SCML4: variants seen among roughly 807,000 people sequenced by gnomAD.
The protein encoded by SCML4 is sex comb on midleg-like protein 4.
A neutral mutation model predicts 41.1 loss-of-function variants in SCML4; 34 were observed. That is an observed-to-expected ratio of 0.83 (90% CI 0.63 to 1.10). The LOEUF (loss-of-function observed/expected upper bound fraction) is 1.10, where lower values mean the gene tolerates loss of function less well. Among genes scored for constraint, SCML4 ranks in the 50% least tolerant of loss-of-function variants. The pLI is 0.00. For synonymous variants in SCML4, 214 were observed against 220.9 expected (o/e 0.97, Z 0.28); for missense variants, 522 against 534.1 (o/e 0.98, Z 0.22).
chr6:107,770,198 CA>C (rs1430472520), intron 2 of SCML4, among the ~76,000 whole-genome samples: 14 of 151,886 alleles, frequency 9.2e-5, no homozygotes, highest in Non-Finnish European at 2.1e-4. Context: ...TTTATTTTGC[CA>C]ACTAAGAACA....
chr6:107,829,589 G>A, the SCML4 span, among the ~76,000 whole-genome samples: 1 of 151,954 alleles, frequency 6.6e-6, no homozygotes, highest in Non-Finnish European at 1.5e-5. Flanking sequence ...CCTGTCGAGG[G>A]GTGGGGAGCA....
chr6:107,805,587 T>C (rs999937936), intron 1 of SCML4, among the ~76,000 whole-genome samples: 1 of 152,220 alleles, frequency 6.6e-6, no homozygotes, highest in African/African-American at 2.4e-5. Flanking sequence ...CTGGTGTTTC[T>C]GTTACATGAA....
chr6:107,762,683 G>A (rs1478127897), intron 2 of SCML4, among the ~76,000 whole-genome samples: 2 of 152,068 alleles, frequency 1.3e-5, no homozygotes, highest in Non-Finnish European at 2.9e-5. Flanking sequence ...ACAAGCCAAG[G>A]AAAGCCTGAC....
At chr6:107,841,762 C>T in the SCML4 span, among the ~76,000 whole-genome samples, 2 of 152,162 alleles carry the variant, frequency 1.3e-5, no homozygotes, top group African/African-American at 4.8e-5. Context: ...CATCTAGTTT[C>T]ACAGAGATCC....
At position 107,821,049 on chromosome 6, in the gene SCML4, C is replaced by G. The variant is rs1346421141; in HGVS notation, c.-60+3077G>C. On this transcript the variant is annotated intron_variant, in intron 1 of 7. Transcript: ENST00000369020. ...AAGACCAATTGTTAAAAATTGGCAGCATTCCAGAGAACTTACTAGGCTGTG... is the reference window on the plus strand; with the variant it reads ...AAGACCAATTGTTAAAAATTGGCAGGATTCCAGAGAACTTACTAGGCTGTG... Among the ~76,000 whole-genome samples the G allele has an allele frequency of 4.6e-5, 7 of 152,268 alleles. No homozygotes were observed. In the South Asian group the frequency reaches 1.5e-3, roughly 32 times the overall value.
chr6:107,754,376 T>C (rs1363137378), intron 2 of SCML4, among the ~76,000 whole-genome samples: 1 of 152,220 alleles, frequency 6.6e-6, no homozygotes, highest in Non-Finnish European at 1.5e-5. Context: ...CTGACTTTGG[T>C]GTGACTTCCT....
intron 1 of SCML4, among the ~76,000 whole-genome samples, chr6:107,811,361 G>A (rs964360114): frequency 2.0e-5 from 3 of 152,132 alleles, no homozygotes; most frequent in East Asian, 1.9e-4. Context: ...GAACTTGCCT[G>A]TTTTCTTGAT....
the SCML4 span, among the ~76,000 whole-genome samples, chr6:107,839,909 A>G: frequency 1.3e-5 from 2 of 152,216 alleles, no homozygotes; most frequent in East Asian, 3.9e-4. Context: ...CTTTTTAAAT[A>G]TCTAAGTTGT....
intron 1 of SCML4, among the ~76,000 whole-genome samples, chr6:107,788,721 G>A (rs540869991): frequency 1.2e-5 from 1 of 84,492 alleles, no homozygotes; most frequent in African/African-American, 3.7e-5. Context: ...AGGGAGGAAG[G>A]CTAGGGTACT....
At chr6:107,826,300 AAAGAAAAAG>A (rs1429800143), upstream of SCML4, among the ~76,000 whole-genome samples, 1 of 132,190 alleles carries the variant, frequency 7.6e-6, no homozygotes, top group Non-Finnish European at 1.5e-5. Context: ...AAAAGAAAGA[AAAGAAAAAG>A]AAGAAAAGAA....
intron 5 of SCML4, among the ~76,000 whole-genome samples, chr6:107,742,411 A>C (rs371514404): frequency 2.0e-5 from 3 of 152,204 alleles, no homozygotes; most frequent in African/African-American, 7.2e-5. Flanking sequence ...AAAAGATGAG[A>C]AGGGTCAAAT....
At chr6:107,823,305 C>A (rs533681762) in intron 1 of SCML4, among the ~76,000 whole-genome samples, 57 of 152,310 alleles carry the variant, frequency 3.7e-4, no homozygotes, top group African/African-American at 1.4e-3. Flanking sequence ...AGCACCTCAA[C>A]TCAGCAAAAC....
chr6:107,803,308 G>A (rs538630222), intron 1 of SCML4, among the ~76,000 whole-genome samples: 107 of 149,904 alleles, frequency 7.1e-4, no homozygotes, highest in Non-Finnish European at 9.5e-4. Flanking sequence ...GAGCCCCTCC[G>A]CCCGGCAGCC....
At chr6:107,833,101 G>A in the SCML4 span, among the ~76,000 whole-genome samples, 1 of 152,210 alleles carries the variant, frequency 6.6e-6, no homozygotes, top group Admixed American at 6.5e-5. Context: ...CAGAAAGCTG[G>A]CTATCTGACA....
At chr6:107,773,011 A>C (rs1780642125) in intron 1 of SCML4, among the ~76,000 whole-genome samples, 1 of 152,208 alleles carries the variant, frequency 6.6e-6, no homozygotes, top group Admixed American at 6.5e-5. Context: ...CCCAAATAAT[A>C]AGCAATAGGA....
In SCML4 at chr6:107,749,765, T is replaced by G. The variant is rs1402622168; in HGVS notation, c.205A>C (p.Ser69Arg). 6.2e-7 allele frequency: 1 copy of G among 1,613,980 alleles called. No homozygotes were observed. Among genetic ancestry groups the G allele is most frequent in the Non-Finnish European group, 8.5e-7 (1 of 1,179,952 alleles). ...GAGCTGAGGTCGGGCTCTGGGGTAC[T>G]CCGCGGAGGTGAGAGGGCTAAGGGA... ...MTPLALSPPR[S>R]TPEPDLSSIP... Residue 69 changes from serine (S) to arginine (R), a missense_variant, in exon 3 of 8, where the codon AGT (serine) becomes CGT (arginine). Transcript: ENST00000369020.
At chr6:107,759,851 C>T (rs1779441273) in intron 2 of SCML4, among the ~76,000 whole-genome samples, 3 of 152,080 alleles carry the variant, frequency 2.0e-5, no homozygotes, top group Admixed American at 1.3e-4. Context: ...GGGAAATGGA[C>T]ATAATTTCAG....
chr6:107,781,009 G>C (rs1293492241), intron 1 of SCML4, among the ~76,000 whole-genome samples: 1 of 152,002 alleles, frequency 6.6e-6, no homozygotes, highest in Non-Finnish European at 1.5e-5. Context: ...CCAGACTATG[G>C]TTGTAGTTGT....
intron 1 of SCML4, among the ~76,000 whole-genome samples, chr6:107,781,438 G>A (rs974480124): frequency 6.6e-6 from 1 of 152,096 alleles, no homozygotes; most frequent in African/African-American, 2.4e-5. Flanking sequence ...CTTGAGCTCA[G>A]GAGCTCAAGA....
Sources: gnomAD v4.1 joint callset for allele counts (sites outside exome capture counted in the v4.1 genomes callset) on GRCh38, gnomAD v4.1.1 for gene constraint, MANE v1.5 for transcripts, NCBI Gene and HGNC (gene_info 2026-07-23, HGNC 2026-07-21) for gene names.